Variants in ELMO1 observed in about 807,000 individuals in gnomAD.
ELMO1 encodes the protein engulfment and cell motility protein 1.
ELMO1 carries 26 observed loss-of-function variants against 98.9 expected under a neutral mutation model. The observed-to-expected ratio is 0.26, with a 90% CI of 0.19 to 0.36. The LOEUF is 0.36. ELMO1 is among the 10% of genes least tolerant of loss of function. ELMO1 has a pLI of 1.00. For missense variants in ELMO1, 627 were observed against 935.2 expected (o/e 0.67, Z 4.30); for synonymous variants, 346 against 346.0 (o/e 1.00, Z 0.00).
intron 13 of ELMO1, among the ~76,000 whole-genome samples, chr7:37,170,056 C>G (rs893500076): frequency 3.9e-5 from 6 of 152,158 alleles, no homozygotes; most frequent in Admixed American, 3.9e-4. Flanking sequence ...CACACGCCAC[C>G]ATGCCCAGCT....
intron 13 of ELMO1, among the ~76,000 whole-genome samples, chr7:37,170,989 C>T (rs1403787366): frequency 6.6e-6 from 1 of 152,134 alleles, no homozygotes; most frequent in African/African-American, 2.4e-5. Flanking sequence ...TCTTTTAAAA[C>T]TATTTCACCA....
chr7:37,439,362 C>G (rs975842789), intron 1 of ELMO1, among the ~76,000 whole-genome samples: 1 of 152,226 alleles, frequency 6.6e-6, no homozygotes, highest in African/African-American at 2.4e-5. Context: ...TAATACTCAG[C>G]TTTCCAGATC....
At chr7:37,170,229 T>C (rs1404403125) in intron 13 of ELMO1, among the ~76,000 whole-genome samples, 1 of 152,332 alleles carries the variant, frequency 6.6e-6, no homozygotes, top group Non-Finnish European at 1.5e-5. Flanking sequence ...TTTTCGTCTA[T>C]TTCCAATTCT....
intron 14 of ELMO1, among the ~76,000 whole-genome samples, chr7:37,128,189 T>C (rs1396739486): frequency 1.3e-5 from 2 of 151,380 alleles, no homozygotes; most frequent in East Asian, 1.9e-4. Context: ...TGAGACTGTA[T>C]CTTAAACAAA....
At chr7:37,060,805 G>C (rs1399664707) in intron 15 of ELMO1, among the ~76,000 whole-genome samples, 1 of 151,884 alleles carries the variant, frequency 6.6e-6, no homozygotes, top group Non-Finnish European at 1.5e-5. Flanking sequence ...AAATTAATTT[G>C]TCAAAAATTT....
chr7:36,942,554 T>C (rs1248740280), intron 16 of ELMO1, among the ~76,000 whole-genome samples: 2 of 152,164 alleles, frequency 1.3e-5, no homozygotes, highest in African/African-American at 4.8e-5. Context: ...AGGAGGGAAA[T>C]GAAGAGGACG....
intron 7 of ELMO1, among the ~76,000 whole-genome samples, chr7:37,242,591 T>C (rs1224683180): frequency 6.6e-6 from 1 of 152,236 alleles, no homozygotes; most frequent in East Asian, 1.9e-4. Context: ...AGAGTGATAA[T>C]TTTTGTTCTA....
At chr7:37,102,953 T>G (rs1784718856) in intron 14 of ELMO1, among the ~76,000 whole-genome samples, 1 of 152,220 alleles carries the variant, frequency 6.6e-6, no homozygotes, top group South Asian at 2.1e-4. Flanking sequence ...ACAAACTTCC[T>G]GGATCTATTT....
rs186302610 is a variant in ELMO1, at chr7:37,050,000, G to A, written c.1301-36565C>T. On this transcript the variant is annotated intron_variant, in intron 15 of 21. Transcript: ENST00000310758. ...TCTCCATGTTGGTCAGGCTGGTCTC[G>A]AACTCCCGACCTCAGGTGATCTGCC... 9.0e-3 allele frequency among the ~76,000 whole-genome samples: 1,365 copies of A among 151,932 alleles called. 6 individuals are homozygous for A. Among genetic ancestry groups the A allele is most frequent in the Middle Eastern group, 0.014 (4 of 294 alleles).
At chr7:37,316,080 AGTT>A (rs931686774) in intron 2 of ELMO1, 120 bp from the exon 3 acceptor site, 4 of 817,194 alleles carry the variant, frequency 4.9e-6, no homozygotes, top group Non-Finnish European at 7.8e-6. Context: ...TGCTATTCTT[AGTT>A]GTTGTCAATG....
At chr7:37,202,283 T>C (rs557517133) in intron 13 of ELMO1, among the ~76,000 whole-genome samples, 1 of 152,320 alleles carries the variant, frequency 6.6e-6, no homozygotes, top group South Asian at 2.1e-4. Context: ...AAAACCTGCA[T>C]TATCTTGTGC....
At chr7:37,080,246 G>A (rs1797791985) in intron 15 of ELMO1, among the ~76,000 whole-genome samples, 3 of 152,096 alleles carry the variant, frequency 2.0e-5, no homozygotes, top group Admixed American at 1.3e-4. Flanking sequence ...TTATTGTAGT[G>A]GGGTATATTA....
At chr7:37,216,508 C>T in intron 11 of ELMO1, 137 bp downstream of exon 11, 1 of 996,780 alleles carries the variant, frequency 1.0e-6, no homozygotes, top group Non-Finnish European at 1.5e-6. Context: ...CTCACTTTTT[C>T]CTTCATTAGA....
chr7:36,930,845 TC>T (rs1785979227), intron 16 of ELMO1, among the ~76,000 whole-genome samples: 1 of 152,152 alleles, frequency 6.6e-6, no homozygotes, highest in Admixed American at 6.5e-5. Context: ...AAGACATGCT[TC>T]CTCTCTTTCT....
chr7:37,343,818 A>G (rs1057319231), intron 1 of ELMO1, among the ~76,000 whole-genome samples: 3 of 152,090 alleles, frequency 2.0e-5, no homozygotes, highest in Non-Finnish European at 4.4e-5. Flanking sequence ...ATCATGTGAT[A>G]CAAACTTGTG....
At chr7:37,408,320 T>C (rs796851557) in intron 1 of ELMO1, among the ~76,000 whole-genome samples, 1 of 152,204 alleles carries the variant, frequency 6.6e-6, no homozygotes, top group East Asian at 1.9e-4. Flanking sequence ...TGATTGTGCA[T>C]CACTGTCTAA....
At chr7:37,092,177 A>G (rs753357798) in intron 15 of ELMO1, among the ~76,000 whole-genome samples, 3 of 152,078 alleles carry the variant, frequency 2.0e-5, no homozygotes, top group Non-Finnish European at 4.4e-5. Flanking sequence ...TTGCTCACAA[A>G]AGAGCCTCAT....
chr7:37,253,429 G>C (rs932195639), intron 6 of ELMO1, among the ~76,000 whole-genome samples: 6 of 152,166 alleles, frequency 3.9e-5, no homozygotes, highest in African/African-American at 1.4e-4. Flanking sequence ...CCTTTGCAGG[G>C]ACATGGATGA....
Position 37,202,390 on chromosome 7 carries a change from C to T in ELMO1, c.1086+8996G>A, listed in dbSNP as rs1348980936. Among the ~76,000 whole-genome samples the T allele has an allele frequency of 4.6e-5, 7 of 152,294 alleles. No individual in the cohort carries two copies. The South Asian group carries it at 6.2e-4, about 14-fold the overall frequency. On this transcript the variant is annotated intron_variant, in intron 13 of 21. Coordinates refer to ENST00000310758, the MANE Select transcript of ELMO1 (RefSeq NM_014800.11). ...AATTCCCATAAATGTATTCTAGATT[C>T]TTACTAATGCTGTCCTTGTACTCCA...
Sources: gnomAD v4.1 joint callset for allele counts (sites outside exome capture counted in the v4.1 genomes callset) on GRCh38, gnomAD v4.1.1 for gene constraint, MANE v1.5 for transcripts, NCBI Gene and HGNC (gene_info 2026-07-23, HGNC 2026-07-21) for gene names.